The following SPON2 variants were observed in gnomAD, a reference collection of about 807,000 sequenced individuals.
The protein encoded by SPON2 is spondin-2.
Under a neutral mutation model 29.9 loss-of-function variants are expected in SPON2, and 32 were observed. That is an observed-to-expected ratio of 1.07 (90% CI 0.81 to 1.44). The LOEUF (loss-of-function observed/expected upper bound fraction) is 1.44. Ranked by LOEUF, SPON2 falls within the 40% of genes most tolerant of loss-of-function variation. SPON2 has a pLI of 0.00. For synonymous variants in SPON2, 248 were observed against 209.1 expected (o/e 1.19, Z -1.61); for missense variants, 541 against 455.5 (o/e 1.19, Z -1.71).
upstream of SPON2, chr4:1,208,216 G>A (rs1403390570): frequency 6.6e-6 from 1 of 152,266 alleles, no homozygotes; most frequent in African/African-American, 2.4e-5. Flanking sequence ...GCTAGGGGTG[G>A]GGATGGTGGG....
At chr4:1,186,152 G>A (rs768667268) in intron 1 of SPON2, among the ~76,000 whole-genome samples, 1 of 151,136 alleles carries the variant, frequency 6.6e-6, no homozygotes, top group Non-Finnish European at 1.5e-5. Flanking sequence ...GCTGAGGCAG[G>A]AGAATGGTGT....
chr4:1,200,444 G>C (rs1728169596), intron 1 of SPON2, among the ~76,000 whole-genome samples: 1 of 152,162 alleles, frequency 6.6e-6, no homozygotes, highest in Non-Finnish European at 1.5e-5. Context: ...CAGGCTAAGC[G>C]AGGATGGCTG....
chr4:1,206,286 C>T (rs992125965), intron 1 of SPON2, among the ~76,000 whole-genome samples: 3 of 152,114 alleles, frequency 2.0e-5, no homozygotes, highest in Admixed American at 6.5e-5. Flanking sequence ...CAAGGGTCTG[C>T]GGGTGCCACT....
intron 1 of SPON2, among the ~76,000 whole-genome samples, chr4:1,186,431 G>A (rs1454956160): frequency 6.6e-6 from 1 of 151,816 alleles, no homozygotes; most frequent in Non-Finnish European, 1.5e-5. Context: ...AACCTCCCAA[G>A]TAGCTGGGAT....
chr4:1,203,314 A>T (rs1359709139), intron 1 of SPON2, among the ~76,000 whole-genome samples: 2 of 152,188 alleles, frequency 1.3e-5, no homozygotes, highest in Non-Finnish European at 2.9e-5. Flanking sequence ...GTCACCGTGG[A>T]CCTGCCCATT....
chr4:1,177,030 C>T (rs1727617865), upstream of SPON2, among the ~76,000 whole-genome samples: 1 of 152,228 alleles, frequency 6.6e-6, no homozygotes, highest in African/African-American at 2.4e-5. Flanking sequence ...TTCTCTTATT[C>T]AGTAAAGTGT....
intron 1 of SPON2, among the ~76,000 whole-genome samples, chr4:1,181,744 C>T (rs1430789850): frequency 6.6e-6 from 1 of 152,076 alleles, no homozygotes; most frequent in African/African-American, 2.4e-5. Flanking sequence ...CTTTCAGGAG[C>T]GAGGCTGGCA....
intron 1 of SPON2, among the ~76,000 whole-genome samples, chr4:1,181,180 T>A (rs1296582389): frequency 2.0e-5 from 3 of 152,168 alleles, no homozygotes; most frequent in Non-Finnish European, 4.4e-5. Flanking sequence ...CTTAGTTAGG[T>A]TAACACCTGA....
At chr4:1,198,304 C>A (rs560976300), upstream of SPON2, among the ~76,000 whole-genome samples, 9 of 152,034 alleles carry the variant, frequency 5.9e-5, no homozygotes, top group Non-Finnish European at 8.8e-5. Context: ...CTGGAGAGGG[C>A]GAGAGCTGAG....
intron 1 of SPON2, among the ~76,000 whole-genome samples, chr4:1,186,058 C>A (rs544943645): frequency 1.0e-4 from 15 of 148,004 alleles, no homozygotes; most frequent in Admixed American, 7.6e-4. Context: ...TCCTGGCTAA[C>A]ACGGTGAAAC....
intron 4 of SPON2, 95 bp from the exon 5 acceptor site, chr4:1,170,671 G>C (rs561008723): frequency 1.4e-6 from 2 of 1,399,404 alleles, no homozygotes; most frequent in South Asian, 2.5e-5. Context: ...AGCGTCCAGC[G>C]TGCCCTCTGC....
upstream of SPON2, chr4:1,199,483 C>G (rs1728144571): frequency 6.6e-6 from 1 of 152,246 alleles, no homozygotes; most frequent in Non-Finnish European, 1.5e-5. This position sits in a 1 kb window ranked among gnomAD's most constrained non-coding sequence, Gnocchi z 4.5. Context: ...TCCCACTCCT[C>G]TAGCAATAAT....
At chr4:1,170,269 T>C (rs1245846808) in intron 5 of SPON2, 133 bp downstream of exon 5, 7 of 826,016 alleles carry the variant, frequency 8.5e-6, no homozygotes, top group Non-Finnish European at 1.4e-5. Flanking sequence ...CTAAATCTTC[T>C]AGGCACCATC....
rs139100057 is a variant in SPON2, at chr4:1,187,776, C to T, written c.-239+7214G>A. On this transcript the variant is annotated intron_variant, in intron 1 of 3. Transcript: ENST00000502483. ...TGTTTACACATCATTTGACTACCAG[C>T]ACAGATGTCTAATCATCACTCTCTG... 7.0e-3 allele frequency among the ~76,000 whole-genome samples: 1,070 copies of T among 152,232 alleles called. 10 individuals are homozygous for T. The highest frequency in any genetic ancestry group is 0.023 in the African/African-American group (961 of 41,530).
chr4:1,171,436 T>C lies in SPON2; in HGVS notation c.271A>G (p.Ser91Gly), dbSNP rs369208590. 2.5e-5 allele frequency: 41 copies of C among 1,612,182 alleles called. No individual in the cohort carries two copies. Among genetic ancestry groups the C allele is most frequent in the Non-Finnish European group, 3.1e-5 (37 of 1,179,792 alleles). The change falls in exon 3 of 6, where the codon AGT (serine) becomes GGT (glycine). Residue 91 changes from serine (S) to glycine (G), a missense_variant. By Grantham distance (56) the Ser-to-Gly change is moderately conservative. Transcript: ENST00000290902. Reference protein sequence around the residue: ...YSMWRKNQYVSNGLRDFAERG... With the variant: ...YSMWRKNQYVGNGLRDFAERG... The stretch of plus-strand genomic sequence containing the variant: ...TCCGCAAAGTCGCGCAGCCCGTTAC[T>C]GACGTACTGGTTCTTCCTCCACATG...
At chr4:1,169,419 A>T (rs1727349211) in intron 5 of SPON2, among the ~76,000 whole-genome samples, 1 of 152,128 alleles carries the variant, frequency 6.6e-6, no homozygotes, top group African/African-American at 2.4e-5. Flanking sequence ...AGTTCATCCC[A>T]AATGAGGAGG....
chr4:1,206,695 T>G (rs944621934), intron 1 of SPON2, among the ~76,000 whole-genome samples: 1 of 152,028 alleles, frequency 6.6e-6, no homozygotes, highest in African/African-American at 2.4e-5. Flanking sequence ...CTGAGGCTCA[T>G]GGTAGGGAAG....
intron 1 of SPON2, among the ~76,000 whole-genome samples, chr4:1,201,736 C>A (rs1728213155): frequency 6.6e-6 from 1 of 152,102 alleles, no homozygotes; most frequent in Non-Finnish European, 1.5e-5. Context: ...GCGCCGGTTG[C>A]CACGCCCGGC....
At chr4:1,170,898 G>A in intron 4 of SPON2, 101 bp downstream of exon 4, 1 of 1,455,954 alleles carries the variant, frequency 6.9e-7, no homozygotes, top group Non-Finnish European at 9.4e-7. Flanking sequence ...AAAGCCGCAA[G>A]CGGCTGTCCT....
Sources: allele counts gnomAD v4.1 joint callset (sites outside exome capture counted in the v4.1 genomes callset), GRCh38; gene constraint gnomAD v4.1.1; non-coding constraint Gnocchi (gnomAD v3.1); transcripts MANE v1.5; gene names NCBI Gene and HGNC (gene_info 2026-07-23, HGNC 2026-07-21).